NFIB: variants seen among roughly 807,000 people sequenced by gnomAD.
NFIB encodes the protein nuclear factor 1 B-type.
Under a neutral mutation model 61.5 loss-of-function variants are expected in NFIB, and 11 were observed. The observed-to-expected ratio is 0.18, with a 90% CI of 0.11 to 0.30. The LOEUF (loss-of-function observed/expected upper bound fraction) is 0.30, where lower values mean the gene tolerates loss of function less well. NFIB is among the 10% of genes least tolerant of loss of function. NFIB has a pLI of 1.00. For missense variants in NFIB, 471 were observed against 608.9 expected (o/e 0.77, Z 2.38); for synonymous variants, 260 against 216.5 (o/e 1.20, Z -1.76).
chr9:14,201,123 C>T (rs1454490781), intron 2 of NFIB, among the ~76,000 whole-genome samples: 1 of 152,178 alleles, frequency 6.6e-6, no homozygotes, highest in Non-Finnish European at 1.5e-5. Context: ...ACATTTTTAC[C>T]TCACAATAGC....
chr9:14,126,503 A>G (rs1424182890), intron 6 of NFIB, among the ~76,000 whole-genome samples: 2 of 152,214 alleles, frequency 1.3e-5, no homozygotes, highest in African/African-American at 2.4e-5. Flanking sequence ...AGGATGAGGA[A>G]GGCATTTCTC....
At chr9:14,520,313 C>T in the NFIB span, among the ~76,000 whole-genome samples, 5 of 152,154 alleles carry the variant, frequency 3.3e-5, no homozygotes, top group Non-Finnish European at 5.9e-5. Flanking sequence ...ACCTTATTTA[C>T]AAAATAAGGG....
chr9:14,182,683 CCTCTCT>C (rs144528136), intron 2 of NFIB, among the ~76,000 whole-genome samples: 5 of 40,974 alleles, frequency 1.2e-4, no homozygotes, highest in Admixed American at 3.7e-4. Context: ...ACACCCCCCA[CCTCTCT>C]CTCTCTCTCT....
chr9:14,206,602 A>G (rs1167940531), intron 2 of NFIB, among the ~76,000 whole-genome samples: 1 of 151,654 alleles, frequency 6.6e-6, no homozygotes, highest in Non-Finnish European at 1.5e-5. Context: ...AACAAACAGA[A>G]GAATTCGATA....
intron 1 of NFIB, among the ~76,000 whole-genome samples, chr9:14,390,785 A>G (rs1437012775): frequency 6.6e-6 from 1 of 152,208 alleles, no homozygotes; most frequent in Non-Finnish European, 1.5e-5. Context: ...GTGGGCCCCC[A>G]CCACACATCA....
intron 2 of NFIB, among the ~76,000 whole-genome samples, chr9:14,253,095 C>T (rs2055837949): frequency 6.6e-6 from 1 of 152,192 alleles, no homozygotes; most frequent in Admixed American, 6.5e-5. Context: ...TTAAGCAGAT[C>T]TGCAACAACT....
intron 2 of NFIB, among the ~76,000 whole-genome samples, chr9:14,231,693 G>T (rs1200463920): frequency 6.6e-6 from 1 of 152,144 alleles, no homozygotes; most frequent in African/African-American, 2.4e-5. Flanking sequence ...AATGATTGCT[G>T]ATGGTGAAGT....
rs2055590170 is a variant in NFIB, at chr9:14,251,326, C to G, written c.562+55663G>C. Among the ~76,000 whole-genome samples, 4 of 152,210 alleles carry G rather than the reference C, an allele frequency of 2.6e-5. No individual in the cohort carries two copies. In the South Asian group the frequency reaches 8.3e-4, roughly 31 times the overall value. On this transcript the variant is annotated intron_variant, in intron 2 of 10. Transcript: ENST00000380953. ...TAGCTAAAGAGTTAATCTTTAGCAA[C>G]TCTGCTTAAAAATCCTAATGGCAGA...
At chr9:14,142,968 T>TA (rs1360652203) in intron 6 of NFIB, among the ~76,000 whole-genome samples, 1 of 152,030 alleles carries the variant, frequency 6.6e-6, no homozygotes, top group African/African-American at 2.4e-5. Flanking sequence ...TCTGTATATA[T>TA]AAAATAATAC....
At chr9:14,143,172 CTT>C (rs2041939313) in intron 6 of NFIB, among the ~76,000 whole-genome samples, 1 of 151,868 alleles carries the variant, frequency 6.6e-6, no homozygotes, top group East Asian at 1.9e-4. Context: ...GAAGTTGTAA[CTT>C]TTTGTTTTGA....
At chr9:14,189,105 C>T (rs1032892900) in intron 2 of NFIB, among the ~76,000 whole-genome samples, 2 of 152,194 alleles carry the variant, frequency 1.3e-5, no homozygotes, top group Non-Finnish European at 2.9e-5. Flanking sequence ...CCATGACTTA[C>T]ATATCTGGTT....
At chr9:14,477,183 T>A in the NFIB span, among the ~76,000 whole-genome samples, 1 of 152,156 alleles carries the variant, frequency 6.6e-6, no homozygotes, top group South Asian at 2.1e-4. Flanking sequence ...GGGATAGCAT[T>A]CCATAAAGGT....
At chr9:14,095,643 T>G (rs1287534964) in intron 10 of NFIB, among the ~76,000 whole-genome samples, 4 of 152,028 alleles carry the variant, frequency 2.6e-5, no homozygotes, top group African/African-American at 9.7e-5. Flanking sequence ...CTAAATCAAA[T>G]AGAAATATAA....
At chr9:14,433,774 G>C in the NFIB span, among the ~76,000 whole-genome samples, 1 of 152,166 alleles carries the variant, frequency 6.6e-6, no homozygotes, top group South Asian at 2.1e-4. Flanking sequence ...CAGGATTAGT[G>C]CATTAATAAA....
intron 6 of NFIB, among the ~76,000 whole-genome samples, chr9:14,145,527 T>C (rs951007446): frequency 6.6e-6 from 1 of 152,244 alleles, no homozygotes; most frequent in East Asian, 1.9e-4. Flanking sequence ...AGAACTGACT[T>C]TGGCCTTAAC....
the NFIB span, among the ~76,000 whole-genome samples, chr9:14,531,280 A>T: frequency 6.6e-6 from 1 of 152,202 alleles, no homozygotes; most frequent in African/African-American, 2.4e-5. Context: ...AGCTGGACAA[A>T]TATAAGAGGG....
At chr9:14,207,273 C>T (rs1464696071) in intron 2 of NFIB, among the ~76,000 whole-genome samples, 40 of 152,208 alleles carry the variant, frequency 2.6e-4, no homozygotes, top group Admixed American at 2.6e-3. Flanking sequence ...GAGGTGTCAC[C>T]ACTGGACAGA....
At chr9:14,466,041 A>G in the NFIB span, among the ~76,000 whole-genome samples, 3 of 152,076 alleles carry the variant, frequency 2.0e-5, no homozygotes, top group Admixed American at 2.0e-4. Context: ...CACCAGCTGT[A>G]TTTGTCTCAC....
intron 1 of NFIB, among the ~76,000 whole-genome samples, chr9:14,382,398 T>C (rs1359093091): frequency 6.6e-6 from 1 of 152,070 alleles, no homozygotes. Context: ...TGTCCATTTG[T>C]GGTTCTTATT....
Sources: gnomAD v4.1 joint callset for allele counts (sites outside exome capture counted in the v4.1 genomes callset) on GRCh38, gnomAD v4.1.1 for gene constraint, MANE v1.5 for transcripts, NCBI Gene and HGNC (gene_info 2026-07-23, HGNC 2026-07-21) for gene names.